Variants in AKNA observed in about 807,000 individuals in gnomAD.
The protein encoded by AKNA is microtubule organization protein AKNA.
In AKNA, 67 loss-of-function variants were observed where a neutral mutation model predicts 138.8. The ratio of observed to expected loss-of-function variants is 0.48; its 90% CI spans 0.40 to 0.59. The LOEUF is 0.59. Ranked by LOEUF, AKNA falls within the 20% of genes least tolerant of loss-of-function variation. The pLI is 0.00. For missense variants in AKNA, 1,813 were observed against 1,880.4 expected (o/e 0.96, Z 0.66); for synonymous variants, 737 against 754.4 (o/e 0.98, Z 0.38).
At chr9:114,331,094 T>A (rs1321779883), downstream of AKNA, among the ~76,000 whole-genome samples, 1 of 152,094 alleles carries the variant, frequency 6.6e-6, no homozygotes, top group Non-Finnish European at 1.5e-5. Flanking sequence ...ACACAGCTTA[T>A]AATTAGAACT....
rs760174707 is a variant in AKNA at position 114,364,513 on chromosome 9, A to G, written c.1788+47T>C. ...CTTCAGAGACAGAGTCATGGGAGAC[A>G]GTGGTTGTCTGGCAGTTCCATGGGT... On this transcript the variant is annotated intron_variant, in intron 7 of 21. Transcript: ENST00000374088. 4 of 1,589,844 alleles carry G rather than the reference A, an allele frequency of 2.5e-6. No homozygotes were observed. In the African/African-American group the frequency reaches 5.4e-5, roughly 21 times the overall value.
At chr9:114,395,029 C>G (rs1306089869), upstream of AKNA, among the ~76,000 whole-genome samples, 1 of 152,174 alleles carries the variant, frequency 6.6e-6, no homozygotes, top group Non-Finnish European at 1.5e-5. Flanking sequence ...GAAGGTCTCA[C>G]TCGGCAATGG....
intron 12 of AKNA, among the ~76,000 whole-genome samples, chr9:114,357,178 C>G (rs1476023496): frequency 6.6e-6 from 1 of 152,108 alleles, no homozygotes; most frequent in Non-Finnish European, 1.5e-5. Context: ...CTCTGCACCC[C>G]AGGAGGACCC....
At chr9:114,359,494 G>A in intron 11 of AKNA, 100 bp downstream of exon 11, 1 of 1,593,690 alleles carries the variant, frequency 6.3e-7, no homozygotes, top group Non-Finnish European at 8.5e-7. Flanking sequence ...GGTAAGCCAT[G>A]TCTAAACTGT....
intron 4 of AKNA, 98 bp downstream of exon 4, chr9:114,373,995 G>T: frequency 7.7e-7 from 1 of 1,295,680 alleles, no homozygotes; most frequent in Non-Finnish European, 1.1e-6. Context: ...CAGGGCCTCA[G>T]TAGATGGAGG....
chr9:114,385,960 G>A (rs1050423318), intron 1 of AKNA, among the ~76,000 whole-genome samples: 3 of 152,148 alleles, frequency 2.0e-5, no homozygotes, highest in African/African-American at 4.8e-5. Context: ...CTGTAAAATA[G>A]AGAAAGTACC....
chr9:114,364,281 G>A (rs530478956), intron 7 of AKNA, among the ~76,000 whole-genome samples: 3 of 151,988 alleles, frequency 2.0e-5, no homozygotes, highest in East Asian at 3.9e-4. Flanking sequence ...GGTGATAAAT[G>A]TAACTGCTTC....
intron 2 of AKNA, among the ~76,000 whole-genome samples, chr9:114,379,373 A>G (rs1833472490): frequency 6.6e-6 from 1 of 152,254 alleles, no homozygotes; most frequent in Non-Finnish European, 1.5e-5. Context: ...GGCACAGGAC[A>G]AGGTAGCAGC....
At position 114,337,197 on chromosome 9, in the gene AKNA, C is replaced by T; in HGVS notation, c.4177G>A (p.Gly1393Ser). The T allele has an allele frequency of 6.3e-7, 1 of 1,597,348 alleles. No individual in the cohort carries two copies. Residue 1393 changes from glycine (G) to serine (S), a missense_variant, in exon 22 of 22, where the codon GGC (glycine) becomes AGC (serine). Gly to Ser is a moderately conservative substitution (Grantham distance 56). Coordinates refer to ENST00000374088, the MANE Select transcript of AKNA (RefSeq NM_001317950.2). ...GCCTTGTTGAGCTCCTCTAGGTCGC[C>T]CAGGTCGAGCTGGATGGAGTGCCGG... ...RHRHSIQLDL[G>S]DLEELNKALS...
intron 1 of AKNA, among the ~76,000 whole-genome samples, chr9:114,383,442 G>T (rs1833827230): frequency 6.6e-6 from 1 of 152,326 alleles, no homozygotes; most frequent in Non-Finnish European, 1.5e-5. Context: ...GCCATGGAGG[G>T]TTCAGAGAAC....
rs1831605796 is a variant in AKNA at position 114,357,745 on chromosome 9, TG to T, written c.2739+175del. Among the ~76,000 whole-genome samples, 3 of 152,048 alleles carry T rather than the reference TG, an allele frequency of 2.0e-5. No individual in the cohort carries two copies. In the South Asian group the frequency reaches 6.2e-4, roughly 32 times the overall value. On this transcript the variant is annotated intron_variant, in intron 12 of 21. Transcript: ENST00000374088. ...AAGAGCTCCGGAAGAGGGACAGGTT[TG>T]GGGGGTGACACTGAGCATAAGTCCT...
At chr9:114,340,689 T>C (rs1211231841) in intron 21 of AKNA, among the ~76,000 whole-genome samples, 1 of 152,170 alleles carries the variant, frequency 6.6e-6, no homozygotes, top group African/African-American at 2.4e-5. Context: ...AGGGGGCAGA[T>C]GGGACTCCAC....
intron 21 of AKNA, among the ~76,000 whole-genome samples, chr9:114,338,606 T>A (rs1470278217): frequency 6.6e-6 from 1 of 152,172 alleles, no homozygotes; most frequent in Non-Finnish European, 1.5e-5. Context: ...CAGGAGGCAG[T>A]AGAATGCACC....
intron 4 of AKNA, among the ~76,000 whole-genome samples, chr9:114,370,918 A>G (rs897123229): frequency 1.3e-5 from 2 of 152,148 alleles, no homozygotes; most frequent in African/African-American, 4.8e-5. Context: ...CACACTGAAA[A>G]GAGGTGGTTT....
Position 114,359,371 on chromosome 9 carries a change from G to C in AKNA, c.2492+223C>G. The C allele has an allele frequency of 4.4e-6, 4 of 906,570 alleles. No individual in the cohort carries two copies. The South Asian group carries it at 5.4e-5, about 12-fold the overall frequency. 56.2% of individuals were successfully genotyped at this position (906,570 alleles called of 1,614,324 possible). The stretch of plus-strand genomic sequence containing the variant: ...GGCATGAGCCACTGTGCCCAGCTGA[G>C]AATAATGTTCTTTAATACTGCATGT... On this transcript the variant is annotated intron_variant, in intron 11 of 21. Coordinates refer to ENST00000374088, the MANE Select transcript of AKNA (RefSeq NM_001317950.2).
chr9:114,361,360 C>G (rs1455866691), intron 9 of AKNA, among the ~76,000 whole-genome samples: 1 of 152,198 alleles, frequency 6.6e-6, no homozygotes, highest in Non-Finnish European at 1.5e-5. Flanking sequence ...TCTCTGACCT[C>G]CTCCTCAAAC....
rs533735411 is a variant in AKNA at position 114,341,809 on chromosome 9, C to T, written c.3875-84G>A. The T allele has an allele frequency of 1.8e-4, 261 of 1,444,402 alleles. 5 individuals carry two copies. In the South Asian group the frequency reaches 3.3e-3, roughly 18 times the overall value. The allele number at this position is 1,444,402 out of a possible 1,614,324, so 89.5% of individuals were successfully genotyped here. A position where few individuals can be genotyped will look rare whatever the true frequency, so the allele number is the denominator to read the frequency against. On this transcript the variant is annotated intron_variant, in intron 20 of 21. Coordinates refer to ENST00000374088, the MANE Select transcript of AKNA (RefSeq NM_001317950.2). ...AAGATGGAGGGTCCACCCAGCCCTT[C>T]CCCTATGAGAGCTGGACAGGCCCTA...
At chr9:114,331,008 A>T (rs572304660), downstream of AKNA, 20 of 650,400 alleles carry the variant, frequency 3.1e-5, no homozygotes, top group Non-Finnish European at 5.4e-5. Flanking sequence ...TGCTCAGAAA[A>T]AATCCCTAAG....
At chr9:114,359,324 C>A in intron 11 of AKNA, 1 of 604,592 alleles carries the variant, frequency 1.7e-6, no homozygotes, top group Non-Finnish European at 2.7e-6. Flanking sequence ...CTGCCTTGGC[C>A]TCCCTCAATG....
Sources: allele counts gnomAD v4.1 joint callset (sites outside exome capture counted in the v4.1 genomes callset), GRCh38; gene constraint gnomAD v4.1.1; transcripts MANE v1.5; gene names NCBI Gene and HGNC (gene_info 2026-07-23, HGNC 2026-07-21).